Variants in HCLS1 observed in about 807,000 individuals in gnomAD.
The protein encoded by HCLS1 is hematopoietic cell-specific Lyn substrate 1.
A neutral mutation model predicts 68.6 loss-of-function variants in HCLS1; 44 were observed. The observed-to-expected ratio is 0.64, with a 90% confidence interval of 0.50 to 0.82. The LOEUF (loss-of-function observed/expected upper bound fraction) is 0.82. Among genes scored for constraint, HCLS1 ranks in the 40% least tolerant of loss-of-function variants. HCLS1 has a pLI of 0.00. For missense variants in HCLS1, 602 were observed against 612.1 expected (o/e 0.98, Z 0.17); for synonymous variants, 217 against 225.8 (o/e 0.96, Z 0.35).
chr3:121,651,100 A>C (rs1235044580), intron 3 of HCLS1, among the ~76,000 whole-genome samples: 1 of 152,160 alleles, frequency 6.6e-6, no homozygotes, highest in Non-Finnish European at 1.5e-5. Flanking sequence ...ATGTCACTGC[A>C]CTCCAGCCTG....
chr3:121,654,507 G>A (rs537456726), intron 3 of HCLS1, among the ~76,000 whole-genome samples: 1 of 152,266 alleles, frequency 6.6e-6, no homozygotes, highest in Non-Finnish European at 1.5e-5. Flanking sequence ...GAGAAAAGAA[G>A]GTGGAGAGAA....
intron 3 of HCLS1, among the ~76,000 whole-genome samples, chr3:121,648,447 A>G (rs550044554): frequency 3.9e-5 from 6 of 152,246 alleles, no homozygotes; most frequent in Non-Finnish European, 7.4e-5. Flanking sequence ...TGACAATCAG[A>G]TCTGTTATTT....
At chr3:121,648,466 A>G (rs1937658892) in intron 3 of HCLS1, among the ~76,000 whole-genome samples, 1 of 152,214 alleles carries the variant, frequency 6.6e-6, no homozygotes, top group Non-Finnish European at 1.5e-5. Context: ...TTGGACACAT[A>G]TAAGGATCCG....
chr3:121,658,138 C>T, intron 2 of HCLS1, 126 bp downstream of exon 2: 1 of 716,064 alleles, frequency 1.4e-6, no homozygotes, highest in Non-Finnish European at 2.5e-6. Context: ...CAATTAGTCC[C>T]AGTATGAGGG....
intron 1 of HCLS1, among the ~76,000 whole-genome samples, chr3:121,658,652 G>A (rs1428848861): frequency 1.3e-5 from 2 of 152,196 alleles, no homozygotes; most frequent in Non-Finnish European, 2.9e-5. Flanking sequence ...TGCTGGAATT[G>A]TTCACTTGTG....
At chr3:121,634,448 T>C (rs772772393) in intron 9 of HCLS1, 30 bp from the exon 10 acceptor site, 92 of 1,607,392 alleles carry the variant, frequency 5.7e-5, no homozygotes, top group Non-Finnish European at 7.7e-5. Flanking sequence ...AAATTAGGGT[T>C]GTCTTGGATT....
chr3:121,634,671 GC>G (rs1474537634), intron 9 of HCLS1, among the ~76,000 whole-genome samples: 2 of 151,812 alleles, frequency 1.3e-5, no homozygotes, highest in Non-Finnish European at 2.9e-5. Context: ...CAGGGTCTCA[GC>G]CCAGGCTAGA....
chr3:121,635,427 A>G (rs2049141596), intron 9 of HCLS1, among the ~76,000 whole-genome samples: 1 of 151,598 alleles, frequency 6.6e-6, no homozygotes, highest in South Asian at 2.1e-4. Context: ...ATAGGTGTGC[A>G]CCTCCATGCC....
At chr3:121,643,114 A>G in intron 5 of HCLS1, 133 bp from the exon 6 acceptor site, 1 of 702,276 alleles carries the variant, frequency 1.4e-6, no homozygotes, top group Non-Finnish European at 2.6e-6. Context: ...TGTTTAATGT[A>G]GAAACAGGCT....
rs1937658190 is a variant in HCLS1 at position 121,648,441 on chromosome 3, A to G, written c.159-993T>C. Among the ~76,000 whole-genome samples, 3 of 152,164 alleles carry G rather than the reference A, an allele frequency of 2.0e-5. 1 individual carries two copies. In the South Asian group the frequency reaches 6.2e-4, roughly 31 times the overall value. On this transcript the variant is annotated intron_variant, in intron 3 of 13. Transcript: ENST00000314583. The stretch of plus-strand genomic sequence containing the variant: ...AAGTGATAGCTCAGCCCCACGTGAC[A>G]ATCAGATCTGTTATTTGGACACATA...
rs550212064 is a variant in HCLS1, at chr3:121,642,071, C to A, written c.454+856G>T. 2.3e-4 allele frequency among the ~76,000 whole-genome samples: 30 copies of A among 129,168 alleles called. No individual in the cohort carries two copies. In the East Asian group the frequency reaches 6.8e-3, roughly 29 times the overall value. 84.7% of individuals were successfully genotyped at this position (129,168 alleles called of 152,430 possible). A position where few individuals can be genotyped will look rare whatever the true frequency, so the allele number is the denominator to read the frequency against. On this transcript the variant is annotated intron_variant, in intron 6 of 13. Transcript: ENST00000314583. ...CTCCAGCCTGGGCGACAGAGCCAGA[C>A]TCCGTCGCAAAAAAAAAAAAAAAAA...
intron 3 of HCLS1, 134 bp from the exon 4 acceptor site, chr3:121,647,582 G>C: frequency 1.3e-6 from 1 of 780,366 alleles, no homozygotes; most frequent in South Asian, 1.8e-5. Flanking sequence ...ATATACTAGT[G>C]ATGGGTCTGG....
At chr3:121,642,904 TG>T in intron 6 of HCLS1, 22 bp downstream of exon 6, 2 of 1,597,870 alleles carry the variant, frequency 1.3e-6, no homozygotes, top group Non-Finnish European at 1.7e-6. Context: ...TTGCTGAGGC[TG>T]AGTGAAGTAC....
chr3:121,646,907 A>G lies in HCLS1; in HGVS notation c.288+412T>C, dbSNP rs1470965818. ...TTATAGAGGTATATAATTATATATA[A>G]GTATATAATTATACATATTTACAAA... On this transcript the variant is annotated intron_variant, in intron 4 of 13. Transcript: ENST00000314583. Among the ~76,000 whole-genome samples the G allele has an allele frequency of 4.1e-5, 6 of 145,606 alleles. No homozygotes were observed. The East Asian group carries it at 9.8e-4, about 24-fold the overall frequency.
intron 8 of HCLS1, 31 bp from the exon 9 acceptor site, chr3:121,635,835 G>C: frequency 6.3e-7 from 1 of 1,594,810 alleles, no homozygotes; most frequent in Non-Finnish European, 8.6e-7. Context: ...TGTGTGTTGC[G>C]GGAGAGGGGC....
At position 121,632,374 on chromosome 3, in the gene HCLS1, C is replaced by T. The variant is rs1450469883; in HGVS notation, c.1198G>A (p.Val400Met). ...EDEPEGDYEE[V>M]LEPEDSSFSS... ...AAAGAAGAATCTTCAGGCTCGAGCACCTCCTCATAGTCCCCCTCTGGTTCA... is the reference window on the plus strand; with the variant it reads ...AAAGAAGAATCTTCAGGCTCGAGCATCTCCTCATAGTCCCCCTCTGGTTCA... The change falls in exon 12 of 14, where the codon GTG (valine) becomes ATG (methionine). Residue 400 changes from valine to methionine, a missense_variant. Val to Met is a conservative substitution (Grantham distance 21, BLOSUM62 1). Transcript: ENST00000314583. 6.2e-7 allele frequency: 1 copy of T among 1,614,146 alleles called. No homozygotes were observed. Among genetic ancestry groups the T allele is most frequent in the Middle Eastern group, 1.6e-4 (1 of 6,062 alleles).
chr3:121,632,523 T>C lies in HCLS1; in HGVS notation c.1049A>G (p.Glu350Gly). The change falls in exon 12 of 14, where the codon GAA (glutamate) becomes GGA (glycine). Residue 350 changes from glutamate to glycine, a missense_variant. Physicochemically the swap from Glu to Gly is moderately conservative, Grantham distance 98 (BLOSUM62 -2). Transcript: ENST00000314583. ...EPPALPPRTL[E>G]GLQVEEEPVY... ...TGGCTCTTCCTCCACCTGGAGGCCT[T>C]CCAGAGTCCTAGGGGGCAGAGCTGG... 1 of 1,613,662 alleles carries C rather than the reference T, an allele frequency of 6.2e-7. No homozygotes were observed. Among genetic ancestry groups the C allele is most frequent in the South Asian group, 1.1e-5 (1 of 90,952 alleles).
intron 6 of HCLS1, among the ~76,000 whole-genome samples, chr3:121,640,841 GC>G (rs2049191543): frequency 1.3e-5 from 1 of 76,872 alleles, no homozygotes; most frequent in Non-Finnish European, 2.9e-5. Flanking sequence ...GGACGGGAGG[GC>G]AGGGCAGGGC....
At chr3:121,657,118 A>G in intron 3 of HCLS1, 161 bp downstream of exon 3, 2 of 605,490 alleles carry the variant, frequency 3.3e-6, no homozygotes, top group South Asian at 4.4e-5. Flanking sequence ...AATGACACAC[A>G]GGTACACACA....
Sources: allele counts gnomAD v4.1 joint callset (sites outside exome capture counted in the v4.1 genomes callset), GRCh38; gene constraint gnomAD v4.1.1; transcripts MANE v1.5; gene names NCBI Gene and HGNC (gene_info 2026-07-23, HGNC 2026-07-21).